The following CDH11 variants were observed in gnomAD, a reference collection of about 807,000 sequenced individuals.
CDH11 encodes the protein cadherin 11.
A neutral mutation model predicts 67.8 loss-of-function variants in CDH11; 11 were observed. The ratio of observed to expected loss-of-function variants is 0.16; its 90% confidence interval spans 0.10 to 0.27. CDH11 has a LOEUF of 0.27. CDH11 is among the 10% of genes least tolerant of loss of function. The pLI is 1.00. For synonymous variants in CDH11, 419 were observed against 400.0 expected, an observed-to-expected ratio of 1.05 and a Z score of -0.57; for missense variants, 847 against 1,031.2, an observed-to-expected ratio of 0.82 and a Z score of 2.45.
chr16:65,074,673 CAG>C lies in CDH11; in HGVS notation c.-297-20747_-297-20746del, dbSNP rs370604543. Among the ~76,000 whole-genome samples the C allele has an allele frequency of 4.5e-4, 68 of 151,770 alleles. 2 individuals carry two copies. Among genetic ancestry groups the C allele is most frequent in the African/African-American group, 1.5e-3 (64 of 41,338 alleles). ...TTCCCCCAGAATATGTGTGTGTGCA[CAG>C]AGAGAGACAAACAGACAGACAGAGA... On this transcript the variant is annotated intron_variant, in intron 1 of 12. Coordinates refer to ENST00000268603, the MANE Select transcript of CDH11 (RefSeq NM_001797.4).
chr16:65,060,899 C>G (rs865834266), intron 1 of CDH11, among the ~76,000 whole-genome samples: 8 of 152,188 alleles, frequency 5.3e-5, no homozygotes, highest in Non-Finnish European at 1.2e-4. Context: ...GCATCTGACT[C>G]CTGTCTGTCC....
chr16:65,013,931 A>G (rs2073237501), intron 2 of CDH11, among the ~76,000 whole-genome samples: 1 of 152,222 alleles, frequency 6.6e-6, no homozygotes, highest in South Asian at 2.1e-4. Context: ...TACCTGTCAT[A>G]TGGTAATCAT....
At chr16:65,068,522 G>A (rs1567559540) in intron 1 of CDH11, among the ~76,000 whole-genome samples, 1 of 151,304 alleles carries the variant, frequency 6.6e-6, no homozygotes, top group Non-Finnish European at 1.5e-5. Flanking sequence ...CCGTGACCTT[G>A]CCAAATTATG....
chr16:65,043,092 C>T (rs1355215859), intron 2 of CDH11, among the ~76,000 whole-genome samples: 1 of 152,204 alleles, frequency 6.6e-6, no homozygotes, highest in East Asian at 1.9e-4. Context: ...GGATTAATAT[C>T]TGCCTTCAGA....
chr16:64,950,651 G>T, intron 12 of CDH11, 116 bp downstream of exon 12: 3 of 1,207,026 alleles, frequency 2.5e-6, no homozygotes, highest in Non-Finnish European at 3.3e-6. Flanking sequence ...TTCTTGAACT[G>T]TGTCGACAGT....
At chr16:65,014,313 T>TAAA (rs11381705) in intron 2 of CDH11, among the ~76,000 whole-genome samples, 2 of 152,092 alleles carry the variant, frequency 1.3e-5, no homozygotes, top group African/African-American at 4.8e-5. Context: ...GCCATATATT[T>TAAA]AAAAGTTCAA....
At chr16:65,011,120 C>CAT (rs1199779014) in intron 2 of CDH11, among the ~76,000 whole-genome samples, 74 of 144,240 alleles carry the variant, frequency 5.1e-4, no homozygotes, top group African/African-American at 1.3e-3. Context: ...TATACATACA[C>CAT]ACACACACAC....
chr16:65,091,271 AT>A (rs1301623010), intron 1 of CDH11, among the ~76,000 whole-genome samples: 1 of 152,160 alleles, frequency 6.6e-6, no homozygotes, highest in Non-Finnish European at 1.5e-5. Context: ...CATGATAGAT[AT>A]TTTTGTGCAT....
chr16:65,055,257 G>T (rs2074123537), intron 1 of CDH11, among the ~76,000 whole-genome samples: 1 of 152,306 alleles, frequency 6.6e-6, no homozygotes, highest in East Asian at 1.9e-4. Context: ...CCCTTGTGCA[G>T]TCTCCTTCTA....
At chr16:65,119,162 C>A (rs936136246) in intron 1 of CDH11, 1 of 152,106 alleles carries the variant, frequency 6.6e-6, no homozygotes, top group Admixed American at 6.6e-5. Context: ...CCATGTAATT[C>A]TATTCAAAGG....
intron 1 of CDH11, among the ~76,000 whole-genome samples, chr16:65,060,300 T>C (rs921495853): frequency 6.6e-6 from 1 of 150,604 alleles, no homozygotes; most frequent in African/African-American, 2.5e-5. Flanking sequence ...AAAGTTAGAA[T>C]AAGGGGAAAT....
intron 6 of CDH11, 61 bp from the exon 7 acceptor site, chr16:64,988,405 AT>A (rs2072544078): frequency 7.4e-7 from 1 of 1,358,090 alleles, no homozygotes; most frequent in East Asian, 2.4e-5. Flanking sequence ...AAGACTATAG[AT>A]TTCATTGAAT....
At chr16:65,036,176 T>C (rs191618958) in intron 2 of CDH11, among the ~76,000 whole-genome samples, 9 of 152,332 alleles carry the variant, frequency 5.9e-5, no homozygotes, top group African/African-American at 1.9e-4. Context: ...AGAGGCTAAA[T>C]AGCTCACTCA....
chr16:65,095,267 T>C (rs1374451687), intron 1 of CDH11, among the ~76,000 whole-genome samples: 1 of 152,130 alleles, frequency 6.6e-6, no homozygotes, highest in Non-Finnish European at 1.5e-5. Context: ...TCTGGGAGAT[T>C]AGAGCTGGAT....
intron 1 of CDH11, among the ~76,000 whole-genome samples, chr16:65,064,338 C>T (rs534980534): frequency 2.0e-4 from 30 of 152,362 alleles, no homozygotes; most frequent in Non-Finnish European, 2.6e-4. Context: ...AACATAACAC[C>T]TCACATTCCT....
chr16:65,002,004 A>T (rs1241604002), intron 3 of CDH11, among the ~76,000 whole-genome samples: 4 of 152,162 alleles, frequency 2.6e-5, no homozygotes. Context: ...CATCTTAAGC[A>T]CTCAACCTTG....
intron 2 of CDH11, among the ~76,000 whole-genome samples, chr16:65,007,370 T>C (rs2073081410): frequency 6.6e-6 from 1 of 152,136 alleles, no homozygotes; most frequent in South Asian, 2.1e-4. Flanking sequence ...ACAGACACTT[T>C]GGGATATGTA....
intron 1 of CDH11, among the ~76,000 whole-genome samples, chr16:65,116,942 G>T (rs1293615414): frequency 6.6e-6 from 1 of 152,188 alleles, no homozygotes; most frequent in Non-Finnish European, 1.5e-5. Context: ...CAGACTGTGA[G>T]AGAAATGCTT....
intron 1 of CDH11, among the ~76,000 whole-genome samples, chr16:65,108,135 C>T (rs951121689): frequency 2.0e-5 from 3 of 152,074 alleles, no homozygotes; most frequent in African/African-American, 7.2e-5. Context: ...GCTTGCGATA[C>T]AGGGCACAGG....
Sources: allele counts gnomAD v4.1 joint callset (sites outside exome capture counted in the v4.1 genomes callset), GRCh38; gene constraint gnomAD v4.1.1; transcripts MANE v1.5; gene names NCBI Gene and HGNC (gene_info 2026-07-23, HGNC 2026-07-21).